Variants in KCNU1 observed in about 807,000 individuals in gnomAD.
KCNU1 encodes the protein potassium calcium-activated channel subfamily U member 1.
KCNU1 carries 93 observed loss-of-function variants against 126.8 expected under a neutral mutation model. The observed-to-expected ratio is 0.73, with a 90% CI of 0.62 to 0.87. The LOEUF (loss-of-function observed/expected upper bound fraction) is 0.87, where lower values mean the gene tolerates loss of function less well. Ranked by LOEUF, KCNU1 falls within the 40% of genes least tolerant of loss-of-function variation. The pLI is 0.00. For missense variants in KCNU1, 1,330 were observed against 1,367.1 expected, an observed-to-expected ratio of 0.97 and a Z score of 0.43; for synonymous variants, 523 against 494.2, an observed-to-expected ratio of 1.06 and a Z score of -0.77.
chr8:36,841,133 T>C, intron 16 of KCNU1, 130 bp downstream of exon 16: 1 of 671,696 alleles, frequency 1.5e-6, no homozygotes, highest in Non-Finnish European at 2.6e-6. Context: ...GTGGATTGGC[T>C]GAGAGGCAGC....
At chr8:36,862,252 C>G (rs1805759224) in intron 18 of KCNU1, among the ~76,000 whole-genome samples, 2 of 152,050 alleles carry the variant, frequency 1.3e-5, no homozygotes, top group African/African-American at 4.8e-5. Context: ...AGAATGAGAT[C>G]AGAGAAACTT....
At chr8:36,840,365 A>G (rs1379682774) in intron 14 of KCNU1, 98 bp from the exon 15 acceptor site, 15 of 645,464 alleles carry the variant, frequency 2.3e-5, no homozygotes, top group African/African-American at 7.3e-5. Context: ...CTTACATGCA[A>G]TGAAGACTTG....
intron 1 of KCNU1, among the ~76,000 whole-genome samples, chr8:36,785,446 A>C (rs912978856): frequency 6.6e-6 from 1 of 152,234 alleles, no homozygotes; most frequent in Non-Finnish European, 1.5e-5. Flanking sequence ...AAATTTGCTT[A>C]AAACATTTCT....
intron 24 of KCNU1, among the ~76,000 whole-genome samples, chr8:36,924,098 T>C (rs1002757773): frequency 6.6e-6 from 1 of 152,280 alleles, no homozygotes; most frequent in African/African-American, 2.4e-5. Flanking sequence ...CCCAGGGTGT[T>C]AAAGGAATTT....
At chr8:36,856,464 G>A (rs1563298081) in intron 18 of KCNU1, among the ~76,000 whole-genome samples, 1 of 152,218 alleles carries the variant, frequency 6.6e-6, no homozygotes, top group Non-Finnish European at 1.5e-5. Flanking sequence ...GTTGGCTAGT[G>A]ACTTGGCTGA....
intron 18 of KCNU1, among the ~76,000 whole-genome samples, chr8:36,855,548 C>A (rs2117305302): frequency 6.6e-6 from 1 of 152,242 alleles, no homozygotes. Context: ...TATCGATGAG[C>A]TGTGGAGCTG....
intron 22 of KCNU1, among the ~76,000 whole-genome samples, chr8:36,917,505 T>C (rs2117563362): frequency 7.2e-6 from 1 of 139,584 alleles, no homozygotes; most frequent in African/African-American, 2.7e-5. Context: ...TCTGCACTGC[T>C]ACACCCAGCT....
intron 19 of KCNU1, among the ~76,000 whole-genome samples, chr8:36,890,784 AAAAAT>A (rs1278822339): frequency 3.9e-5 from 6 of 151,958 alleles, no homozygotes; most frequent in African/African-American, 1.4e-4. Context: ...TGGACAGATT[AAAAAT>A]AAAATAATGA....
At chr8:36,891,678 A>T (rs1476502304) in intron 19 of KCNU1, among the ~76,000 whole-genome samples, 2 of 152,102 alleles carry the variant, frequency 1.3e-5, no homozygotes, top group Non-Finnish European at 2.9e-5. Flanking sequence ...ATTTTTCTTC[A>T]TCTGAAAATG....
At chr8:36,789,803 A>T (rs1273800257) in intron 2 of KCNU1, among the ~76,000 whole-genome samples, 1 of 152,258 alleles carries the variant, frequency 6.6e-6, no homozygotes, top group African/African-American at 2.4e-5. Flanking sequence ...TGAAGAATTA[A>T]GGAAATAGAG....
At position 36,909,343 on chromosome 8, in the gene KCNU1, G is replaced by C; in HGVS notation, c.2139G>C (p.Arg713=). The C allele has an allele frequency of 6.2e-7, 1 of 1,613,592 alleles. No homozygotes were observed. Among genetic ancestry groups the C allele is most frequent in the South Asian group, 1.1e-5 (1 of 91,070 alleles). The stretch of plus-strand genomic sequence containing the variant: ...CTGGCAAGTCAAAGTATAAGTTTCG[G>C]AACCATATTGTAGCATGTGTATTTG... The part of the protein sequence containing the change: ...KRTGKSKYKF[R]NHIVACVFGD... Residue 713 remains arginine (R), a synonymous_variant, in exon 21 of 27, where the codon CGG becomes CGC. Transcript: ENST00000399881.
intron 18 of KCNU1, among the ~76,000 whole-genome samples, chr8:36,859,419 C>T (rs1222775134): frequency 2.0e-5 from 3 of 152,044 alleles, no homozygotes; most frequent in African/African-American, 7.2e-5. Context: ...ATTAAATTTC[C>T]TTGGTCCCAC....
At chr8:36,834,386 A>G (rs140210551) in intron 11 of KCNU1, among the ~76,000 whole-genome samples, 6 of 152,358 alleles carry the variant, frequency 3.9e-5, no homozygotes, top group African/African-American at 1.4e-4. Context: ...TGCTTATTAG[A>G]GCCAAGTAGA....
At chr8:36,886,570 C>T (rs868531269) in intron 19 of KCNU1, among the ~76,000 whole-genome samples, 4 of 152,166 alleles carry the variant, frequency 2.6e-5, no homozygotes, top group Middle Eastern at 3.4e-3. Flanking sequence ...GCAAAACAAA[C>T]GTATTCAACA....
chr8:36,840,849 C>T, intron 15 of KCNU1, 83 bp from the exon 16 acceptor site: 1 of 981,896 alleles, frequency 1.0e-6, no homozygotes. Flanking sequence ...TGGTTTCCTC[C>T]TAGGCACAGA....
intron 19 of KCNU1, among the ~76,000 whole-genome samples, chr8:36,905,421 A>C (rs1048756715): frequency 6.6e-6 from 1 of 151,530 alleles, no homozygotes; most frequent in African/African-American, 2.4e-5. Context: ...CAAAATTAAA[A>C]GCAGAAATAA....
intron 18 of KCNU1, among the ~76,000 whole-genome samples, chr8:36,856,299 A>G (rs1351901375): frequency 6.6e-6 from 1 of 151,872 alleles, no homozygotes; most frequent in Non-Finnish European, 1.5e-5. Flanking sequence ...TGCTTTCCCC[A>G]CCCTGTGTAT....
At chr8:36,787,165 C>A in intron 1 of KCNU1, 141 bp from the exon 2 acceptor site, 1 of 628,002 alleles carries the variant, frequency 1.6e-6, no homozygotes, top group Non-Finnish European at 2.5e-6. Context: ...ATTGAATAAG[C>A]AACTTCAGGG....
intron 19 of KCNU1, among the ~76,000 whole-genome samples, chr8:36,901,075 A>T (rs945536952): frequency 2.0e-5 from 3 of 152,094 alleles, no homozygotes; most frequent in Non-Finnish European, 4.4e-5. Flanking sequence ...CAAAAGAAAA[A>T]AAAAAGGGAA....
Sources: allele counts gnomAD v4.1 joint callset (sites outside exome capture counted in the v4.1 genomes callset), GRCh38; gene constraint gnomAD v4.1.1; transcripts MANE v1.5; gene names NCBI Gene and HGNC (gene_info 2026-07-23, HGNC 2026-07-21).